Variants in PPP4R4 observed in about 807,000 individuals in gnomAD.
PPP4R4 encodes protein phosphatase 4 regulatory subunit 4.
In PPP4R4, 70 loss-of-function variants were observed where a neutral mutation model predicts 121.8. The ratio of observed to expected loss-of-function variants is 0.57; its 90% CI spans 0.47 to 0.70. The LOEUF is 0.70. Among genes scored for constraint, PPP4R4 ranks in the 30% least tolerant of loss-of-function variants. The pLI is 0.00. For synonymous variants in PPP4R4, 348 were observed against 355.7 expected, an observed-to-expected ratio of 0.98 and a Z score of 0.24; for missense variants, 875 against 1,033.6, an observed-to-expected ratio of 0.85 and a Z score of 2.10.
chr14:94,176,059 G>T lies in PPP4R4; in HGVS notation c.123G>T (p.Pro41=). ...ERPVRRSLKT[P]EEIERLTVDE... Reference sequence around the variant, plus strand: ...GTGTATTTTACCCTTGACAGACACCGGAAGAAATAGAAAGATTGACAGTCG... The same window carrying T: ...GTGTATTTTACCCTTGACAGACACCTGAAGAAATAGAAAGATTGACAGTCG... Residue 41 remains proline (P), a synonymous_variant, in exon 2 of 25, where the codon CCG becomes CCT. Transcript: ENST00000304338. 6.2e-7 allele frequency: 1 copy of T among 1,611,840 alleles called. No homozygotes were observed. Among genetic ancestry groups the T allele is most frequent in the Non-Finnish European group, 8.5e-7 (1 of 1,177,904 alleles).
intron 3 of PPP4R4, among the ~76,000 whole-genome samples, chr14:94,211,752 T>C (rs1436891220): frequency 6.6e-6 from 1 of 152,086 alleles, no homozygotes; most frequent in African/African-American, 2.4e-5. Context: ...TCATAGCTAG[T>C]ATGAGGACAA....
rs772198887 is a variant in PPP4R4 at position 94,246,343 on chromosome 14, C to T, written c.1429-14C>T. 10 of 1,583,760 alleles carry T rather than the reference C, an allele frequency of 6.3e-6. No homozygotes were observed. Among genetic ancestry groups the T allele is most frequent in the Admixed American group, 1.9e-5 (1 of 51,930 alleles). On this transcript the variant is annotated splice_polypyrimidine_tract_variant and intron_variant, in intron 13 of 24. Transcript: ENST00000304338. ...TTTATTTATAATTGATTTTTTGATG[C>T]GTTTCATTTTCAGTTATCTTCTCTG...
chr14:94,246,814 A>G (rs1363093136), intron 14 of PPP4R4, among the ~76,000 whole-genome samples: 1 of 152,118 alleles, frequency 6.6e-6, no homozygotes, highest in Non-Finnish European at 1.5e-5. Flanking sequence ...AACAGAGTAG[A>G]CTCACTTCAA....
intron 19 of PPP4R4, 22 bp downstream of exon 19, chr14:94,259,391 AC>A (rs1384997923): frequency 6.3e-7 from 1 of 1,582,160 alleles, no homozygotes. Context: ...TCACATGCAC[AC>A]ACATATACTC....
At chr14:94,231,435 C>A (rs547963114) in intron 5 of PPP4R4, 120 bp downstream of exon 5, 1 of 705,424 alleles carries the variant, frequency 1.4e-6, no homozygotes. Flanking sequence ...GAATGTAACA[C>A]GTGCACATTG....
intron 2 of PPP4R4, among the ~76,000 whole-genome samples, chr14:94,181,578 CCTT>C (rs1888998816): frequency 6.6e-6 from 1 of 152,062 alleles, no homozygotes; most frequent in South Asian, 2.1e-4. Context: ...TTGAAATTCT[CCTT>C]CTTTCATAAA....
chr14:94,191,305 A>C (rs953746150), intron 2 of PPP4R4, among the ~76,000 whole-genome samples: 2 of 152,086 alleles, frequency 1.3e-5, no homozygotes, highest in African/African-American at 4.8e-5. Context: ...ATAAAGAGGG[A>C]GGGGAAAAAT....
intron 2 of PPP4R4, among the ~76,000 whole-genome samples, chr14:94,199,212 T>C (rs747053255): frequency 2.0e-5 from 3 of 152,270 alleles, no homozygotes; most frequent in Admixed American, 6.5e-5. Context: ...CTACAAATCT[T>C]AAACATCTTT....
At chr14:94,255,424 C>G (rs923396937) in intron 16 of PPP4R4, among the ~76,000 whole-genome samples, 3 of 152,084 alleles carry the variant, frequency 2.0e-5, no homozygotes, top group Non-Finnish European at 4.4e-5. Context: ...TGGTGAAACC[C>G]TGTCTCTACT....
chr14:94,206,438 T>C (rs959203346), intron 2 of PPP4R4, among the ~76,000 whole-genome samples: 19 of 152,052 alleles, frequency 1.2e-4, no homozygotes, highest in African/African-American at 4.1e-4. Flanking sequence ...TAAATTGATA[T>C]ATTTAGACCA....
At chr14:94,217,333 T>C (rs564116136) in intron 3 of PPP4R4, among the ~76,000 whole-genome samples, 1 of 152,284 alleles carries the variant, frequency 6.6e-6, no homozygotes, top group Admixed American at 6.5e-5. Context: ...GTGATTGCCA[T>C]AGCAACAAAA....
rs950791385 is a variant in PPP4R4, at chr14:94,279,278, C to G, written c.*635C>G. ...TCTGGTAACTTTGAGCTATAAATAC[C>G]TTAAAAATAATAGATTGATGATTTT... is the stretch of plus-strand genomic sequence containing the variant. On this transcript the variant is annotated 3_prime_UTR_variant, in exon 25 of 25. Coordinates refer to ENST00000304338, the MANE Select transcript of PPP4R4 (RefSeq NM_058237.2). 1 of 152,534 alleles carries G rather than the reference C, an allele frequency of 6.6e-6. No individual in the cohort carries two copies. The highest frequency in any genetic ancestry group is 1.5e-5 in the Non-Finnish European group (1 of 68,026). 9.4% of individuals were successfully genotyped at this position (152,534 alleles called of 1,614,324 possible). A position where few individuals can be genotyped will look rare whatever the true frequency, so the allele number is the denominator to read the frequency against.
chr14:94,201,126 C>T lies in PPP4R4; in HGVS notation c.192-7338C>T, dbSNP rs917403057. On this transcript the variant is annotated intron_variant, in intron 2 of 24. Coordinates refer to ENST00000304338, the MANE Select transcript of PPP4R4 (RefSeq NM_058237.2). ...ACATTATTAAATTTCCATGTATTTG[C>T]ATGGTTTTGAGGGTTCCTTTTGGAG... 7.9e-5 allele frequency among the ~76,000 whole-genome samples: 12 copies of T among 152,248 alleles called. No homozygotes were observed. The East Asian group carries it at 2.1e-3, about 27-fold the overall frequency.
chr14:94,247,658 C>G (rs987064444), intron 14 of PPP4R4, among the ~76,000 whole-genome samples: 15 of 152,160 alleles, frequency 9.9e-5, no homozygotes, highest in African/African-American at 3.4e-4. Context: ...ACATAAAAAT[C>G]CTCAAGAAAA....
chr14:94,208,600 A>AT (rs775133253), intron 3 of PPP4R4, 34 bp downstream of exon 3: 176 of 1,525,036 alleles, frequency 1.2e-4, no homozygotes, highest in Non-Finnish European at 1.4e-4. Context: ...GGAGTTTCCC[A>AT]TTTTTTCCCA....
chr14:94,190,946 C>T (rs921011851), intron 2 of PPP4R4, among the ~76,000 whole-genome samples: 3 of 151,278 alleles, frequency 2.0e-5, no homozygotes, highest in African/African-American at 4.9e-5. Context: ...TATACAGACA[C>T]GTTTGTGTGC....
chr14:94,233,663 C>T lies in PPP4R4; in HGVS notation c.527C>T (p.Pro176Leu), dbSNP rs1892174902. The change falls in exon 6 of 25, where the codon CCA becomes CTA. Residue 176 changes from proline to leucine, a missense_variant. Coordinates refer to ENST00000304338, the MANE Select transcript of PPP4R4 (RefSeq NM_058237.2). ...AAATTTTCTCTTTAGATTTTGAATC[C>T]ACTTGTTTCCAAGGCACAACTTTCC... is the stretch of plus-strand genomic sequence containing the variant. ...KETLRHEILNPLVSKAQLSQT... is the reference protein window; with the variant it reads ...KETLRHEILNLLVSKAQLSQT... 2.5e-6 allele frequency: 4 copies of T among 1,582,162 alleles called. No individual in the cohort carries two copies. Among genetic ancestry groups the T allele is most frequent in the Non-Finnish European group, 3.4e-6 (4 of 1,160,546 alleles).
chr14:94,221,801 A>G (rs1247174653), intron 3 of PPP4R4, among the ~76,000 whole-genome samples: 1 of 152,096 alleles, frequency 6.6e-6, no homozygotes, highest in African/African-American at 2.4e-5. Context: ...CAGGTTCTCA[A>G]AAATTTAAAT....
chr14:94,253,471 C>A (rs770275292), intron 16 of PPP4R4, among the ~76,000 whole-genome samples: 4 of 152,096 alleles, frequency 2.6e-5, no homozygotes, highest in Non-Finnish European at 4.4e-5. Context: ...AAAAAAGGAA[C>A]CTTTGGTAAT....
Sources: gnomAD v4.1 joint callset for allele counts (sites outside exome capture counted in the v4.1 genomes callset) on GRCh38, gnomAD v4.1.1 for gene constraint, MANE v1.5 for transcripts, NCBI Gene and HGNC (gene_info 2026-07-23, HGNC 2026-07-21) for gene names.